AGBL1: variants seen among roughly 807,000 people sequenced by gnomAD.
The protein encoded by AGBL1 is cytosolic carboxypeptidase 4.
In AGBL1, 130 loss-of-function variants were observed where a neutral mutation model predicts 118.9. The observed-to-expected ratio is 1.09, with a 90% CI of 0.95 to 1.26. The LOEUF is 1.26. AGBL1 is among the 50% of genes most tolerant of loss of function. The pLI is 0.00. For missense variants in AGBL1, 1,584 were observed against 1,298.1 expected, an observed-to-expected ratio of 1.22 and a Z score of -3.38; for synonymous variants, 555 against 478.9, an observed-to-expected ratio of 1.16 and a Z score of -2.08.
At chr15:86,261,488 A>G (rs902403255) in intron 9 of AGBL1, among the ~76,000 whole-genome samples, 1 of 152,222 alleles carries the variant, frequency 6.6e-6, no homozygotes. Context: ...CATAGATGGA[A>G]CATTGCATTT....
intron 22 of AGBL1, among the ~76,000 whole-genome samples, chr15:86,793,211 G>A (rs1231803017): frequency 6.6e-6 from 1 of 152,086 alleles, no homozygotes; most frequent in Non-Finnish European, 1.5e-5. Flanking sequence ...ACATACTTTA[G>A]ATATGAGAAA....
intron 17 of AGBL1, among the ~76,000 whole-genome samples, chr15:86,354,151 C>T (rs2080676445): frequency 6.6e-6 from 1 of 152,196 alleles, no homozygotes; most frequent in Admixed American, 6.5e-5. Flanking sequence ...ACAACAGATA[C>T]TTTCTCCCAG....
chr15:86,716,164 T>A (rs958795239), intron 22 of AGBL1, among the ~76,000 whole-genome samples: 5 of 152,226 alleles, frequency 3.3e-5, no homozygotes, highest in African/African-American at 1.2e-4. Flanking sequence ...TGCTAGGGAT[T>A]TCTCCTCCAT....
At chr15:86,489,325 G>A (rs892731057) in intron 18 of AGBL1, among the ~76,000 whole-genome samples, 6 of 152,092 alleles carry the variant, frequency 3.9e-5, no homozygotes, top group Admixed American at 3.3e-4. Flanking sequence ...TGAATGAACT[G>A]TCAAATCTGT....
chr15:86,739,953 G>T (rs28703186), intron 22 of AGBL1, among the ~76,000 whole-genome samples: 1 of 152,148 alleles, frequency 6.6e-6, no homozygotes, highest in Non-Finnish European at 1.5e-5. Flanking sequence ...TGGCTAGTTC[G>T]ATAACACTCT....
chr15:86,303,358 G>T (rs910644700), intron 17 of AGBL1, among the ~76,000 whole-genome samples: 20 of 152,204 alleles, frequency 1.3e-4, no homozygotes, highest in African/African-American at 3.4e-4. Flanking sequence ...GGAGGGAGGG[G>T]CCTAAATTTA....
At chr15:86,459,279 C>G (rs1440826320) in intron 18 of AGBL1, among the ~76,000 whole-genome samples, 1 of 152,102 alleles carries the variant, frequency 6.6e-6, no homozygotes, top group Non-Finnish European at 1.5e-5. Flanking sequence ...AGGAATTGCA[C>G]TTTTATACTA....
At chr15:86,201,819 C>T (rs1221563062) in intron 5 of AGBL1, among the ~76,000 whole-genome samples, 1 of 152,148 alleles carries the variant, frequency 6.6e-6, no homozygotes, top group African/African-American at 2.4e-5. Flanking sequence ...TCAGCTACTT[C>T]AGTAGGCCGC....
intron 23 of AGBL1, among the ~76,000 whole-genome samples, chr15:86,927,056 T>C (rs2080548634): frequency 6.6e-6 from 1 of 151,744 alleles, no homozygotes; most frequent in South Asian, 2.1e-4. Context: ...GGAGAATCGC[T>C]TGAACCCAGA....
chr15:86,924,569 CTGTT>C (rs1361186030), intron 23 of AGBL1, among the ~76,000 whole-genome samples: 1 of 152,158 alleles, frequency 6.6e-6, no homozygotes, highest in African/African-American at 2.4e-5. Context: ...AGCTTATTCT[CTGTT>C]TGGGAGAGAA....
Position 86,492,310 on chromosome 15 carries a change from A to G in AGBL1, c.2556-30500A>G, listed in dbSNP as rs142709042. 3.1e-3 allele frequency among the ~76,000 whole-genome samples: 465 copies of G among 152,234 alleles called. 5 individuals carry two copies. The highest frequency in any genetic ancestry group is 8.7e-3 in the African/African-American group (360 of 41,560). On this transcript the variant is annotated intron_variant, in intron 18 of 22. Coordinates refer to ENST00000614907, the MANE Select transcript of AGBL1 (RefSeq NM_001386094.1). The stretch of plus-strand genomic sequence containing the variant: ...AAATTTGAAGGACTATGAACAGAGA[A>G]CTGCAAATGGATCAGTATGGCTCAT...
intron 17 of AGBL1, among the ~76,000 whole-genome samples, chr15:86,317,600 G>A (rs903368427): frequency 2.0e-5 from 3 of 152,228 alleles, no homozygotes; most frequent in African/African-American, 7.2e-5. Context: ...GGGCTGTGAA[G>A]CAAGTCACAG....
intron 23 of AGBL1, among the ~76,000 whole-genome samples, chr15:86,929,943 C>G (rs1304955478): frequency 6.6e-6 from 1 of 152,162 alleles, no homozygotes; most frequent in African/African-American, 2.4e-5. Context: ...TTCCAATTCT[C>G]ATTTATAAAT....
intron 22 of AGBL1, among the ~76,000 whole-genome samples, chr15:86,824,923 G>T (rs2078986711): frequency 6.6e-6 from 1 of 151,996 alleles, no homozygotes; most frequent in South Asian, 2.1e-4. Flanking sequence ...TGGGCGTGGT[G>T]GTGCACACCT....
intron 6 of AGBL1, among the ~76,000 whole-genome samples, chr15:86,229,445 A>G (rs1453608404): frequency 6.6e-6 from 1 of 152,190 alleles, no homozygotes; most frequent in Non-Finnish European, 1.5e-5. Flanking sequence ...GGAGAACAGC[A>G]TGAGGGTAAC....
At chr15:86,262,999 T>C in intron 10 of AGBL1, 105 bp downstream of exon 10, 1 of 797,748 alleles carries the variant, frequency 1.3e-6, no homozygotes, top group Non-Finnish European at 2.1e-6. Context: ...TTGCTCATCA[T>C]TAGCCATATG....
intron 22 of AGBL1, among the ~76,000 whole-genome samples, chr15:86,827,938 C>CTTGTTTTTTTTTTTTTTTTTTTTTTT (rs2079052639): frequency 6.0e-5 from 1 of 16,758 alleles, no homozygotes; most frequent in Non-Finnish European, 1.2e-4. Context: ...TGATGTAGGG[C>CTTGTTTTTTTTTTTTTTTTTTTTTTT]TTTTTTTTTT....
intron 17 of AGBL1, among the ~76,000 whole-genome samples, chr15:86,386,971 G>A (rs1324825192): frequency 6.6e-6 from 1 of 152,164 alleles, no homozygotes; most frequent in African/African-American, 2.4e-5. Flanking sequence ...AATGACAGGA[G>A]CTAATTACAG....
intron 11 of AGBL1, among the ~76,000 whole-genome samples, chr15:86,265,070 G>A (rs2079051823): frequency 6.6e-6 from 1 of 152,184 alleles, no homozygotes; most frequent in South Asian, 2.1e-4. Context: ...AAAATTCCTT[G>A]AGTAATTCTA....
Sources: gnomAD v4.1 joint callset for allele counts (sites outside exome capture counted in the v4.1 genomes callset) on GRCh38, gnomAD v4.1.1 for gene constraint, MANE v1.5 for transcripts, NCBI Gene and HGNC (gene_info 2026-07-23, HGNC 2026-07-21) for gene names.